Variants in CD8B2 observed in about 807,000 individuals in gnomAD.
CD8B2 encodes the protein CD8B family member 2.
In CD8B2, 11 loss-of-function variants were observed where a neutral mutation model predicts 23.7. The observed-to-expected ratio is 0.46, with a 90% CI of 0.29 to 0.77. CD8B2 has a LOEUF of 0.77. Among genes scored for constraint, CD8B2 ranks in the 30% least tolerant of loss-of-function variants. The pLI is 0.09. For synonymous variants in CD8B2, 90 were observed against 109.3 expected, an observed-to-expected ratio of 0.82 and a Z score of 1.10; for missense variants, 197 against 270.5, an observed-to-expected ratio of 0.73 and a Z score of 1.91.
intron 5 of CD8B2, among the ~76,000 whole-genome samples, chr2:106,533,118 C>T (rs1680015396): frequency 6.6e-6 from 1 of 152,146 alleles, no homozygotes; most frequent in Non-Finnish European, 1.5e-5. Flanking sequence ...GAAGCAGGCC[C>T]ATGCTGGGGG....
At chr2:106,536,016 A>G (rs559579125) in intron 5 of CD8B2, among the ~76,000 whole-genome samples, 4 of 147,900 alleles carry the variant, frequency 2.7e-5, no homozygotes, top group South Asian at 2.1e-4. Context: ...GAGAAGAGGC[A>G]GGTGCCACAC....
downstream of CD8B2, among the ~76,000 whole-genome samples, chr2:106,512,480 T>C (rs1157361085): frequency 6.6e-6 from 1 of 152,140 alleles, no homozygotes; most frequent in Non-Finnish European, 1.5e-5. Context: ...CTTGGGTGTG[T>C]GTGTGTGTGT....
At chr2:106,515,483 TAGAGGA>T (rs1036790629), downstream of CD8B2, among the ~76,000 whole-genome samples, 9 of 152,300 alleles carry the variant, frequency 5.9e-5, no homozygotes, top group African/African-American at 7.2e-5. Flanking sequence ...TTAGTGCCCT[TAGAGGA>T]AGAGGAAGAG....
intron 3 of CD8B2, among the ~76,000 whole-genome samples, chr2:106,496,678 T>G (rs1679305710): frequency 1.3e-5 from 2 of 152,100 alleles, no homozygotes; most frequent in South Asian, 4.1e-4. Flanking sequence ...ATATACTATA[T>G]GATTCCATGA....
At chr2:106,539,828 G>GA (rs34945450) in intron 5 of CD8B2, among the ~76,000 whole-genome samples, 1 of 151,842 alleles carries the variant, frequency 6.6e-6, no homozygotes, top group Non-Finnish European at 1.5e-5. Flanking sequence ...TGCCAAGTGG[G>GA]AAAAAAAAGT....
At position 106,497,982 on chromosome 2, in the gene CD8B2, A is replaced by G. The variant is rs185891671; in HGVS notation, c.493+1720A>G. Among the ~76,000 whole-genome samples the G allele has an allele frequency of 2.2e-4, 33 of 152,232 alleles. No individual in the cohort carries two copies. In the East Asian group the frequency reaches 6.4e-3, roughly 29 times the overall value. Reference sequence around the variant, plus strand: ...CCAACCCCAGTGATAGAAAGAAACAACCTGCCACCAAAAGAAGAAACCTTC... The same window carrying G: ...CCAACCCCAGTGATAGAAAGAAACAGCCTGCCACCAAAAGAAGAAACCTTC... On this transcript the variant is annotated intron_variant, in intron 3 of 5. Coordinates refer to ENST00000643224, the MANE Select transcript of CD8B2 (RefSeq NM_001349727.2).
intron 3 of CD8B2, among the ~76,000 whole-genome samples, chr2:106,501,493 C>T (rs1679403123): frequency 6.6e-6 from 1 of 152,016 alleles, no homozygotes; most frequent in Non-Finnish European, 1.5e-5. Flanking sequence ...ACCATCCTGG[C>T]CAACGTGGTG....
Position 106,490,890 on chromosome 2 carries a change from A to G in CD8B2, c.60A>G (p.Ser20=). ...TTTTCCTAGTTCTCCATGGCAACTC[A>G]GTCCTCCAGCAGACCCCTGCATACA... ...AAQLTVLHGN[S]VLQQTPAYIK... Residue 20 remains serine, a synonymous_variant, in exon 2 of 6, where the codon TCA becomes TCG. Transcript: ENST00000643224. 1.9e-6 allele frequency: 3 copies of G among 1,578,622 alleles called. No homozygotes were observed. In the Admixed American group the frequency reaches 5.4e-5, roughly 28 times the overall value.
intron 5 of CD8B2, among the ~76,000 whole-genome samples, chr2:106,541,977 G>A (rs967755548): frequency 6.6e-6 from 1 of 152,146 alleles, no homozygotes; most frequent in African/African-American, 2.4e-5. Flanking sequence ...ACTCTCTGGC[G>A]GGACCACCGT....
intron 5 of CD8B2, among the ~76,000 whole-genome samples, chr2:106,524,135 T>C (rs1679872752): frequency 6.6e-6 from 1 of 152,186 alleles, no homozygotes; most frequent in Non-Finnish European, 1.5e-5. Flanking sequence ...CCTGGATTGT[T>C]GCTAGAGATA....
intron 5 of CD8B2, among the ~76,000 whole-genome samples, chr2:106,529,572 A>G (rs374519627): frequency 6.6e-6 from 1 of 152,168 alleles, no homozygotes; most frequent in African/African-American, 2.4e-5. Context: ...TACTTCTTTA[A>G]TGCTTCTTAA....
At chr2:106,544,081 G>A (rs1276415471) in exon 6 of CD8B2, 2 of 398,522 alleles carry the variant, frequency 5.0e-6, no homozygotes, top group African/African-American at 2.1e-5. Context: ...AAGAGCACGT[G>A]GGTGGCCTGT....
Sources: allele counts gnomAD v4.1 joint callset (sites outside exome capture counted in the v4.1 genomes callset), GRCh38; gene constraint gnomAD v4.1.1; transcripts MANE v1.5; gene names NCBI Gene and HGNC (gene_info 2026-07-23, HGNC 2026-07-21).